The following RUNDC3B variants were observed in gnomAD, a reference collection of about 807,000 sequenced individuals.
RUNDC3B encodes the protein RUN domain containing 3B.
Under a neutral mutation model 58.4 loss-of-function variants are expected in RUNDC3B, and 33 were observed. The observed-to-expected ratio is 0.56, with a 90% CI of 0.43 to 0.75. The LOEUF is 0.75. Among genes scored for constraint, RUNDC3B ranks in the 30% least tolerant of loss-of-function variants. The pLI, the probability that RUNDC3B is intolerant of heterozygous loss-of-function variation, is 0.00. For missense variants in RUNDC3B, 501 were observed against 535.7 expected (o/e 0.94, Z 0.64); for synonymous variants, 193 against 195.2 (o/e 0.99, Z 0.10).
intron 3 of RUNDC3B, among the ~76,000 whole-genome samples, chr7:87,710,369 C>T (rs920209581): frequency 6.6e-6 from 1 of 152,034 alleles, no homozygotes; most frequent in African/African-American, 2.4e-5. Flanking sequence ...ACATGCTGTA[C>T]CCTACATATT....
chr7:87,640,166 C>A (rs1156831147), intron 1 of RUNDC3B, among the ~76,000 whole-genome samples: 1 of 148,918 alleles, frequency 6.7e-6, no homozygotes, highest in Admixed American at 6.7e-5. Context: ...TCCCCCACAT[C>A]CTAAAACATA....
chr7:87,652,779 G>T (rs1419954457), intron 2 of RUNDC3B, among the ~76,000 whole-genome samples: 1 of 151,610 alleles, frequency 6.6e-6, no homozygotes, highest in African/African-American at 2.4e-5. Flanking sequence ...TTTTGGAGAA[G>T]TCATGATTAT....
intron 8 of RUNDC3B, among the ~76,000 whole-genome samples, chr7:87,784,195 T>G (rs992128398): frequency 8.5e-5 from 13 of 152,258 alleles, no homozygotes; most frequent in Admixed American, 2.0e-4. Flanking sequence ...CATCTAGATT[T>G]TGAATTCTAT....
At chr7:87,724,209 T>C (rs1404429731) in intron 4 of RUNDC3B, among the ~76,000 whole-genome samples, 2 of 152,096 alleles carry the variant, frequency 1.3e-5, no homozygotes, top group Non-Finnish European at 1.5e-5. Context: ...GGTGACTGAG[T>C]GAGACCCTGT....
At chr7:87,723,646 AAG>A (rs1393663702) in intron 4 of RUNDC3B, among the ~76,000 whole-genome samples, 16 of 152,182 alleles carry the variant, frequency 1.1e-4, no homozygotes, top group African/African-American at 3.9e-4. Context: ...TTGAAGGTAA[AAG>A]AGTTTAAATA....
chr7:87,777,911 G>T lies in RUNDC3B; in HGVS notation c.912G>T (p.Glu304Asp), dbSNP rs776626757. The T allele has an allele frequency of 1.9e-6, 3 of 1,613,588 alleles. No homozygotes were observed. In the African/African-American group the frequency reaches 4.0e-5, roughly 22 times the overall value. The change falls in exon 8 of 11, where the codon GAG (glutamate) becomes GAT (aspartate). Residue 304 changes from glutamate to aspartate, a missense_variant. Coordinates refer to ENST00000394654, the MANE Select transcript of RUNDC3B (RefSeq NM_001134405.2). ...IEDSDLAHKL[E>D]KEQLEYIIVE... ...ATTCCGATCTGGCTCATAAACTGGA[G>T]AAGGAACAATTAGAATATATAATTG...
intron 3 of RUNDC3B, among the ~76,000 whole-genome samples, chr7:87,704,670 A>G (rs1829430889): frequency 6.6e-6 from 1 of 152,214 alleles, no homozygotes; most frequent in Non-Finnish European, 1.5e-5. Flanking sequence ...CAGAACAATC[A>G]TGTTCCAAAT....
chr7:87,631,719 G>A (rs2130194732), intron 1 of RUNDC3B, among the ~76,000 whole-genome samples: 1 of 152,254 alleles, frequency 6.6e-6, no homozygotes, highest in South Asian at 2.1e-4. Flanking sequence ...TCTCAAATCA[G>A]AGATGATTTG....
Position 87,650,807 on chromosome 7 carries a change from A to G in RUNDC3B, c.123-15A>G, listed in dbSNP as rs1364303925. On this transcript the variant is annotated splice_polypyrimidine_tract_variant and intron_variant, in intron 1 of 10. Coordinates refer to ENST00000394654, the MANE Select transcript of RUNDC3B (RefSeq NM_001134405.2). ...TCAACTCTGCCTAAAAGCAACAATA[A>G]TCTTTTTTTCATAGGTTTTCTGTGA... The G allele has an allele frequency of 2.6e-6, 4 of 1,516,686 alleles. No individual in the cohort carries two copies. Among genetic ancestry groups the G allele is most frequent in the East Asian group, 2.3e-5 (1 of 44,304 alleles). 94.0% of individuals were successfully genotyped at this position (1,516,686 alleles called of 1,614,324 possible).
intron 4 of RUNDC3B, among the ~76,000 whole-genome samples, chr7:87,726,223 A>G (rs1333006826): frequency 1.3e-5 from 2 of 152,132 alleles, no homozygotes; most frequent in African/African-American, 4.8e-5. Context: ...TTGTGGTTTT[A>G]GGTCTAACAT....
At chr7:87,773,572 C>A (rs1470607940) in intron 7 of RUNDC3B, among the ~76,000 whole-genome samples, 1 of 152,008 alleles carries the variant, frequency 6.6e-6, no homozygotes. Context: ...TAAATGTTAA[C>A]AATTAGAACA....
chr7:87,661,113 T>G (rs1398094626), intron 2 of RUNDC3B, among the ~76,000 whole-genome samples: 5 of 152,000 alleles, frequency 3.3e-5, no homozygotes, highest in South Asian at 4.1e-4. Flanking sequence ...ATAGATTACA[T>G]TTTTAAAATT....
chr7:87,730,555 C>G (rs1017560472), intron 4 of RUNDC3B, among the ~76,000 whole-genome samples: 1 of 151,916 alleles, frequency 6.6e-6, no homozygotes, highest in South Asian at 2.1e-4. Context: ...GAATAGAGCA[C>G]CAGGTAGATT....
chr7:87,816,578 G>C (rs1015967400), intron 10 of RUNDC3B, among the ~76,000 whole-genome samples: 1 of 152,086 alleles, frequency 6.6e-6, no homozygotes, highest in Non-Finnish European at 1.5e-5. Flanking sequence ...ATATTGCAGA[G>C]AACTGCTAAT....
intron 6 of RUNDC3B, among the ~76,000 whole-genome samples, chr7:87,764,832 G>A (rs944181490): frequency 2.6e-5 from 4 of 151,872 alleles, no homozygotes; most frequent in Non-Finnish European, 5.9e-5. Flanking sequence ...TGATACATTT[G>A]CTATTGTGAA....
At chr7:87,665,652 T>C (rs1029985600) in intron 2 of RUNDC3B, among the ~76,000 whole-genome samples, 2 of 152,134 alleles carry the variant, frequency 1.3e-5, no homozygotes, top group African/African-American at 4.8e-5. Flanking sequence ...GTAATGAGCA[T>C]AGTACGTGAA....
At chr7:87,792,473 A>G (rs1253750201) in intron 8 of RUNDC3B, among the ~76,000 whole-genome samples, 2 of 152,260 alleles carry the variant, frequency 1.3e-5, no homozygotes, top group South Asian at 2.1e-4. Flanking sequence ...TCACAAAACA[A>G]GTCTTAAAAC....
At chr7:87,821,516 T>C (rs1242218988) in intron 10 of RUNDC3B, among the ~76,000 whole-genome samples, 1 of 152,204 alleles carries the variant, frequency 6.6e-6, no homozygotes, top group Non-Finnish European at 1.5e-5. Flanking sequence ...CCAATGACTT[T>C]CTTCACAGAA....
chr7:87,754,832 T>G (rs1833266434), intron 6 of RUNDC3B, among the ~76,000 whole-genome samples: 1 of 150,040 alleles, frequency 6.7e-6, no homozygotes, highest in Admixed American at 6.7e-5. Context: ...AGGAGATAGA[T>G]AAATTCTTTG....
Sources: allele counts gnomAD v4.1 joint callset (sites outside exome capture counted in the v4.1 genomes callset), GRCh38; gene constraint gnomAD v4.1.1; transcripts MANE v1.5; gene names NCBI Gene and HGNC (gene_info 2026-07-23, HGNC 2026-07-21).